Variants in DDX60 observed in about 807,000 individuals in gnomAD.
DDX60 encodes probable ATP-dependent RNA helicase DDX60.
Under a neutral mutation model 212.8 loss-of-function variants are expected in DDX60, and 165 were observed. The observed-to-expected ratio is 0.78, with a 90% CI of 0.68 to 0.88. The LOEUF is 0.88. Among genes scored for constraint, DDX60 ranks in the 40% least tolerant of loss-of-function variants. The pLI is 0.00. For missense variants in DDX60, 1,905 were observed against 2,003.9 expected (o/e 0.95, Z 0.94); for synonymous variants, 703 against 685.3 (o/e 1.03, Z -0.40).
intron 30 of DDX60, among the ~76,000 whole-genome samples, chr4:168,242,759 G>A (rs1472441120): frequency 6.6e-6 from 1 of 152,160 alleles, no homozygotes; most frequent in Non-Finnish European, 1.5e-5. Context: ...ATGCTGAAAT[G>A]AGTTAAGACT....
intron 33 of DDX60, among the ~76,000 whole-genome samples, chr4:168,234,151 T>C (rs951070650): frequency 1.3e-5 from 2 of 152,088 alleles, no homozygotes; most frequent in Non-Finnish European, 2.9e-5. Context: ...GATTTATGAT[T>C]TTCTCTTTGT....
intron 37 of DDX60, 91 bp downstream of exon 37, chr4:168,220,564 T>G (rs866634995): frequency 4.1e-6 from 3 of 733,998 alleles, no homozygotes; most frequent in South Asian, 1.9e-5. Context: ...GGCACCTTCA[T>G]GTACCTGGCT....
intron 25 of DDX60, among the ~76,000 whole-genome samples, chr4:168,258,122 C>T (rs1734487680): frequency 6.6e-6 from 1 of 152,108 alleles, no homozygotes; most frequent in African/African-American, 2.4e-5. Context: ...TTGGATCTGA[C>T]AAAAAGGGAT....
chr4:168,246,529 T>G lies in DDX60; in HGVS notation c.4053A>C (p.Ile1351=). 1 of 1,614,108 alleles carries G rather than the reference T, an allele frequency of 6.2e-7. No individual in the cohort carries two copies. The highest frequency in any genetic ancestry group is 2.2e-5 in the East Asian group (1 of 44,848). The part of the protein sequence containing the change: ...DIPFPKIGKL[I]KSNVPELRGH... ...CTCTCAGCTCAGGAACATTGGATTTTATGAGTTTTCCTATTTTGGGGAATG... is the reference window on the plus strand; with the variant it reads ...CTCTCAGCTCAGGAACATTGGATTTGATGAGTTTTCCTATTTTGGGGAATG... The change falls in exon 30 of 38, where the codon ATA becomes ATC. Residue 1351 remains isoleucine, a synonymous_variant. Transcript: ENST00000393743.
the DDX60 span, among the ~76,000 whole-genome samples, chr4:168,325,041 T>C: frequency 2.0e-5 from 3 of 152,236 alleles, no homozygotes; most frequent in Non-Finnish European, 4.4e-5. Context: ...AGCAGATTTT[T>C]TTAAAAAACA....
intron 10 of DDX60, among the ~76,000 whole-genome samples, chr4:168,285,926 AGGAAGGAAGGAAGGGAG>A (rs1735815926): frequency 2.2e-5 from 3 of 137,400 alleles, no homozygotes; most frequent in South Asian, 5.5e-4. Context: ...GAAGGAAGGA[AGGAAGGAAGGAAGGGAG>A]GAAGGGAGGG....
intron 17 of DDX60, 33 bp from the exon 18 acceptor site, chr4:168,273,431 A>G (rs749674852): frequency 1.2e-6 from 2 of 1,610,520 alleles, no homozygotes; most frequent in African/African-American, 1.3e-5. Context: ...CATTAGTCAC[A>G]TAATAGAGAG....
chr4:168,267,626 GA>G lies in DDX60; in HGVS notation c.2994del (p.His999IlefsTer11). On this transcript the variant is annotated frameshift_variant, in exon 22 of 38. Coordinates refer to ENST00000393743, the MANE Select transcript of DDX60 (RefSeq NM_017631.6). LOFTEE classifies it high-confidence loss of function. ...KHVCSIKHGD[I>X]HFDHFHPCAA... Reference sequence around the variant, plus strand: ...GCACATGGGTGAAAATGATCAAAATGAATGTCACCATGTTTTATTGAACATA... The same window carrying G: ...GCACATGGGTGAAAATGATCAAAATGATGTCACCATGTTTTATTGAACATA... The G allele has an allele frequency of 6.2e-7, 1 of 1,602,754 alleles. No individual in the cohort carries two copies. Among genetic ancestry groups the G allele is most frequent in the Non-Finnish European group, 8.5e-7 (1 of 1,174,242 alleles).
chr4:168,270,775 T>C (rs1452624863), intron 19 of DDX60, among the ~76,000 whole-genome samples: 3 of 152,308 alleles, frequency 2.0e-5, no homozygotes, highest in East Asian at 3.9e-4. Flanking sequence ...TGTTAAACTT[T>C]TCCCCTTTGA....
At chr4:168,226,079 C>T (rs973225234) in intron 33 of DDX60, among the ~76,000 whole-genome samples, 1 of 151,924 alleles carries the variant, frequency 6.6e-6, no homozygotes, top group Non-Finnish European at 1.5e-5. Flanking sequence ...GTTTTTTAAA[C>T]CTCACTGGAT....
At chr4:168,258,678 G>A (rs888513286) in intron 25 of DDX60, among the ~76,000 whole-genome samples, 1 of 151,962 alleles carries the variant, frequency 6.6e-6, no homozygotes, top group African/African-American at 2.4e-5. Flanking sequence ...AAATATTTTA[G>A]TTTTAAAATA....
intron 35 of DDX60, among the ~76,000 whole-genome samples, chr4:168,222,955 G>A (rs1433685821): frequency 1.3e-5 from 2 of 152,050 alleles, no homozygotes; most frequent in Non-Finnish European, 2.9e-5. Context: ...AGAGTTCGAC[G>A]TTACAGCAGG....
At chr4:168,291,949 G>A (rs1489455904) in intron 7 of DDX60, 43 bp from the exon 8 acceptor site, 3 of 1,461,386 alleles carry the variant, frequency 2.1e-6, no homozygotes, top group Middle Eastern at 1.8e-4. Context: ...ACAGCAGGGT[G>A]TGACATTGCA....
chr4:168,297,396 GAAAGAAA>G (rs1389745649), intron 6 of DDX60, among the ~76,000 whole-genome samples: 9 of 125,642 alleles, frequency 7.2e-5, no homozygotes, highest in African/African-American at 3.0e-4. Flanking sequence ...AAGAAAGAAA[GAAAGAAA>G]GACAATAAAT....
At chr4:168,246,721 C>A in intron 29 of DDX60, 103 bp from the exon 30 acceptor site, 1 of 1,213,748 alleles carries the variant, frequency 8.2e-7, no homozygotes, top group Non-Finnish European at 1.2e-6. Context: ...GGAAATTGTG[C>A]ATATGTCTAA....
intron 14 of DDX60, among the ~76,000 whole-genome samples, chr4:168,277,825 A>G (rs867118228): frequency 0.026 from 3,793 of 146,536 alleles, 151 homozygotes; most frequent in African/African-American, 0.097. Flanking sequence ...AAAAAAAGAA[A>G]AAAAAAAAAA....
At chr4:168,321,554 T>C (rs1737610533), upstream of DDX60, among the ~76,000 whole-genome samples, 1 of 152,208 alleles carries the variant, frequency 6.6e-6, no homozygotes, top group African/African-American at 2.4e-5. Context: ...ACAGTTACAA[T>C]TCAGCACTTT....
chr4:168,217,993 T>A (rs1578958822), intron 37 of DDX60, among the ~76,000 whole-genome samples: 1 of 152,088 alleles, frequency 6.6e-6, no homozygotes, highest in African/African-American at 2.4e-5. Context: ...AAGAAACTAA[T>A]GTACAGGTAA....
At chr4:168,255,269 C>T (rs1734358346) in intron 26 of DDX60, among the ~76,000 whole-genome samples, 2 of 152,146 alleles carry the variant, frequency 1.3e-5, no homozygotes, top group South Asian at 4.1e-4. Flanking sequence ...CATTTCCATC[C>T]ATTCTCAAGT....
Sources: gnomAD v4.1 joint callset for allele counts (sites outside exome capture counted in the v4.1 genomes callset) on GRCh38, gnomAD v4.1.1 for gene constraint, MANE v1.5 for transcripts, NCBI Gene and HGNC (gene_info 2026-07-23, HGNC 2026-07-21) for gene names.